The following NRG1 variants were observed in gnomAD, a reference collection of about 807,000 sequenced individuals.
NRG1 encodes the protein pro-neuregulin-1, membrane-bound isoform.
Under a neutral mutation model 63.8 loss-of-function variants are expected in NRG1, and 18 were observed. The observed-to-expected ratio is 0.28, with a 90% CI of 0.19 to 0.42. NRG1 has a LOEUF of 0.42. Among genes scored for constraint, NRG1 ranks in the 10% least tolerant of loss-of-function variants. The probability of loss-of-function intolerance (pLI) is 1.00; values close to 1 mark genes in which losing one functional copy is unlikely to be tolerated. For missense variants in NRG1, 762 were observed against 814.7 expected, an observed-to-expected ratio of 0.94 and a Z score of 0.79; for synonymous variants, 302 against 301.3, an observed-to-expected ratio of 1.00 and a Z score of -0.02.
At chr8:32,576,279 A>G (rs1010233876) in intron 1 of NRG1, among the ~76,000 whole-genome samples, 2 of 152,208 alleles carry the variant, frequency 1.3e-5, no homozygotes, top group Admixed American at 6.5e-5. Context: ...TGTCTAGCTC[A>G]GGAGAAACTT....
chr8:31,710,219 T>C (rs1210712199), intron 1 of NRG1, among the ~76,000 whole-genome samples: 3 of 151,826 alleles, frequency 2.0e-5, no homozygotes, highest in African/African-American at 7.2e-5. Context: ...TTCTCCAGTT[T>C]TATCAATTTC....
chr8:31,869,088 C>A (rs1171156021), intron 1 of NRG1, among the ~76,000 whole-genome samples: 1 of 152,188 alleles, frequency 6.6e-6, no homozygotes, highest in Non-Finnish European at 1.5e-5. Context: ...AAACACATAT[C>A]TTTGATGATA....
In NRG1 at chr8:32,398,674, G is replaced by T. The variant is rs193168197; in HGVS notation, c.38-197154G>T. 9.9e-5 allele frequency among the ~76,000 whole-genome samples: 15 copies of T among 152,238 alleles called. No homozygotes were observed. In the South Asian group the frequency reaches 2.9e-3, roughly 29 times the overall value. On this transcript the variant is annotated intron_variant, in intron 1 of 10. Coordinates refer to the NRG1 transcript ENST00000519301. ...GGTCCACCCACCTCAGCCTTCCAAA[G>T]TGCTGGGATTAATTACAGGTGTGAG...
chr8:32,279,975 G>A (rs990775801), intron 1 of NRG1, among the ~76,000 whole-genome samples: 1 of 152,196 alleles, frequency 6.6e-6, no homozygotes, highest in African/African-American at 2.4e-5. Context: ...CAGTCTGTTA[G>A]GACAGTGCCC....
intron 1 of NRG1, among the ~76,000 whole-genome samples, chr8:31,838,872 G>T (rs1825926000): frequency 6.6e-6 from 1 of 152,056 alleles, no homozygotes; most frequent in Admixed American, 6.6e-5. Context: ...TTTGAAATTT[G>T]TATGCCTTTA....
In NRG1 at chr8:32,648,063, G is replaced by A. The variant is rs150765526; in HGVS notation, c.502+31178G>A. The A allele has an allele frequency of 1.9e-6, 3 of 1,613,970 alleles. No individual in the cohort carries two copies. In the African/African-American group the frequency reaches 4.0e-5, roughly 22 times the overall value. On this transcript the variant is annotated intron_variant, in intron 5 of 11. Transcript: ENST00000356819. ...CTCTCCTACTCACCTTGACCCTGGG[G>A]GGTTAGGCCAGGACCCTATTATTTC...
rs57363109 is a variant in NRG1, at chr8:31,712,255, C to CTTTTTTTTTTTTTTTTTTTTTTTTTTT, written c.37+72828_37+72854dup. On this transcript the variant is annotated intron_variant, in intron 1 of 10. Coordinates refer to the NRG1 transcript ENST00000519301. ...TGACTTCCTGTTTCTTCTTCATGATCTTTTTTTTTTTTTTTTTTTTTTTTT... is the reference window on the plus strand; with the variant it reads ...TGACTTCCTGTTTCTTCTTCATGATCTTTTTTTTTTTTTTTTTTTTTTTTTTTTTTTTTTTTTTTTTTTTTTTTTTTT... 2.6e-4 allele frequency among the ~76,000 whole-genome samples: 19 copies of CTTTTTTTTTTTTTTTTTTTTTTTTTTT among 72,354 alleles called. 3 individuals carry two copies. Among genetic ancestry groups the CTTTTTTTTTTTTTTTTTTTTTTTTTTT allele is most frequent in the Non-Finnish European group, 3.5e-4 (14 of 39,670 alleles). The allele number at this position is 72,354 out of a possible 152,430, so 47.5% of individuals were successfully genotyped here. A position where few individuals can be genotyped will look rare whatever the true frequency, so the allele number is the denominator to read the frequency against.
chr8:32,510,147 G>A (rs982183763), intron 1 of NRG1, among the ~76,000 whole-genome samples: 1 of 149,300 alleles, frequency 6.7e-6, no homozygotes, highest in African/African-American at 2.4e-5. Context: ...AAGGGAGGGA[G>A]GGAGAAAGGG....
chr8:31,823,438 G>A (rs532941806), intron 1 of NRG1, among the ~76,000 whole-genome samples: 71 of 152,192 alleles, frequency 4.7e-4, no homozygotes, highest in Middle Eastern at 3.4e-3. Context: ...CTGGCTGGAA[G>A]CCTGAATACT....
chr8:32,470,964 A>G (rs534112868), intron 1 of NRG1, among the ~76,000 whole-genome samples: 1 of 152,212 alleles, frequency 6.6e-6, no homozygotes, highest in African/African-American at 2.4e-5. Flanking sequence ...TGCGTGGCTA[A>G]TTTCTAAAAA....
At chr8:32,150,317 G>A (rs1837363801) in intron 1 of NRG1, among the ~76,000 whole-genome samples, 1 of 152,120 alleles carries the variant, frequency 6.6e-6, no homozygotes, top group Admixed American at 6.5e-5. Flanking sequence ...CAAGAAGCCT[G>A]GTGCTAAATT....
chr8:32,169,025 T>A (rs984472340), intron 1 of NRG1, among the ~76,000 whole-genome samples: 1 of 152,230 alleles, frequency 6.6e-6, no homozygotes, highest in African/African-American at 2.4e-5. Flanking sequence ...TGTTGCCACA[T>A]AATTTAAGAT....
chr8:31,829,867 A>G (rs1824939408), intron 1 of NRG1, among the ~76,000 whole-genome samples: 1 of 152,186 alleles, frequency 6.6e-6, no homozygotes, highest in African/African-American at 2.4e-5. Context: ...AGTTGGTGTG[A>G]TTCAGCCATT....
Position 31,788,528 on chromosome 8 carries a change from T to C in NRG1, c.37+149097T>C, listed in dbSNP as rs1003884959. 2.2e-4 allele frequency among the ~76,000 whole-genome samples: 33 copies of C among 152,132 alleles called. 1 individual carries two copies. Among genetic ancestry groups the C allele is most frequent in the African/African-American group, 7.0e-4 (29 of 41,450 alleles). On this transcript the variant is annotated intron_variant, in intron 1 of 10. Coordinates refer to the NRG1 transcript ENST00000519301. The stretch of plus-strand genomic sequence containing the variant: ...CAAAGAACAGTACCCCTCAGGACCA[T>C]TGTAAGAAAATGTCTTCTTTGAGAG...
chr8:31,764,835 C>T (rs1030053882), intron 1 of NRG1, among the ~76,000 whole-genome samples: 2 of 151,214 alleles, frequency 1.3e-5, no homozygotes, highest in African/African-American at 4.9e-5. Flanking sequence ...GTGCACTGCA[C>T]CCACTAACTC....
intron 1 of NRG1, among the ~76,000 whole-genome samples, chr8:31,835,610 G>T (rs1487178084): frequency 6.6e-6 from 1 of 152,066 alleles, no homozygotes; most frequent in Non-Finnish European, 1.5e-5. Flanking sequence ...CCTAGTTTGT[G>T]GCCTTCCTTT....
intron 1 of NRG1, among the ~76,000 whole-genome samples, chr8:32,034,936 T>C (rs1248578115): frequency 6.6e-6 from 1 of 152,242 alleles, no homozygotes; most frequent in East Asian, 1.9e-4. Flanking sequence ...TTTTTGTGTC[T>C]TTATTGCCTT....
intron 1 of NRG1, among the ~76,000 whole-genome samples, chr8:32,165,140 A>T (rs1368884696): frequency 4.2e-5 from 6 of 141,876 alleles, no homozygotes; most frequent in South Asian, 4.5e-4. Flanking sequence ...TATTGCCCTT[A>T]TTTTTTTTTT....
At chr8:32,285,866 C>T (rs944044374) in intron 1 of NRG1, among the ~76,000 whole-genome samples, 18 of 151,936 alleles carry the variant, frequency 1.2e-4, no homozygotes, top group Non-Finnish European at 8.8e-5. Flanking sequence ...TCTTTAAGTT[C>T]AATGAAGTGA....
Sources: gnomAD v4.1 joint callset for allele counts (sites outside exome capture counted in the v4.1 genomes callset) on GRCh38, gnomAD v4.1.1 for gene constraint, MANE v1.5 for transcripts, NCBI Gene and HGNC (gene_info 2026-07-23, HGNC 2026-07-21) for gene names.